The following KCNJ3 variants were observed in gnomAD, a reference collection of about 807,000 sequenced individuals.
KCNJ3 encodes G protein-activated inward rectifier potassium channel 1.
In KCNJ3, 4 loss-of-function variants were observed where a neutral mutation model predicts 39.2. The observed-to-expected ratio is 0.10, with a 90% CI of 0.05 to 0.23. KCNJ3 has a LOEUF of 0.23. KCNJ3 is among the 10% of genes least tolerant of loss of function. The pLI is 1.00. For synonymous variants in KCNJ3, 230 were observed against 237.4 expected (o/e 0.97, Z 0.29); for missense variants, 276 against 634.9 (o/e 0.43, Z 6.08).
At chr2:154,716,581 TA>T (rs1478955312) in intron 2 of KCNJ3, among the ~76,000 whole-genome samples, 1 of 152,180 alleles carries the variant, frequency 6.6e-6, no homozygotes, top group Admixed American at 6.5e-5. Flanking sequence ...AACACATTAT[TA>T]AAAAATGTTT....
In KCNJ3 at chr2:154,798,269, C is replaced by T. The variant is rs12613283; in HGVS notation, c.920-56458C>T. Among the ~76,000 whole-genome samples the T allele has an allele frequency of 1.6e-3, 238 of 151,448 alleles. 6 individuals carry two copies. The East Asian group carries it at 0.043, about 27-fold the overall frequency. ...ACAGCACTCCTGCCCACTACAACAC[C>T]GAATGAAAGACATATGGTTAAACTT... is the stretch of plus-strand genomic sequence containing the variant. On this transcript the variant is annotated intron_variant, in intron 2 of 2. Transcript: ENST00000295101.
chr2:154,724,167 T>A (rs1685310684), intron 2 of KCNJ3, among the ~76,000 whole-genome samples: 1 of 152,210 alleles, frequency 6.6e-6, no homozygotes, highest in Middle Eastern at 3.4e-3. Context: ...AAATGGTGAA[T>A]GTTATAGTTA....
chr2:154,845,889 G>C (rs1687655654), intron 2 of KCNJ3, among the ~76,000 whole-genome samples: 1 of 148,144 alleles, frequency 6.8e-6, no homozygotes, highest in Admixed American at 6.7e-5. Flanking sequence ...AGAATCACTT[G>C]AACCTGGGAG....
chr2:154,734,400 A>G (rs1279135281), intron 2 of KCNJ3, among the ~76,000 whole-genome samples: 2 of 152,194 alleles, frequency 1.3e-5, no homozygotes, highest in Non-Finnish European at 2.9e-5. Context: ...AGAATCTGAG[A>G]AAGAAGTCAT....
At chr2:154,727,119 T>G (rs544642575) in intron 2 of KCNJ3, among the ~76,000 whole-genome samples, 1 of 152,122 alleles carries the variant, frequency 6.6e-6, no homozygotes, top group South Asian at 2.1e-4. Flanking sequence ...ACTAAAAAAC[T>G]TAGCCATGTA....
chr2:154,835,008 AT>A (rs1005525584), intron 2 of KCNJ3, among the ~76,000 whole-genome samples: 67 of 145,824 alleles, frequency 4.6e-4, no homozygotes, highest in East Asian at 1.0e-3. Flanking sequence ...TTCTCTTCCT[AT>A]TTTTTTTTTT....
intron 2 of KCNJ3, among the ~76,000 whole-genome samples, chr2:154,730,491 T>G (rs556211930): frequency 6.6e-6 from 1 of 152,240 alleles, no homozygotes; most frequent in African/African-American, 2.4e-5. Context: ...ATGAAGATAT[T>G]TAGTATTTTT....
intron 2 of KCNJ3, among the ~76,000 whole-genome samples, chr2:154,843,744 G>C (rs886796923): frequency 1.3e-5 from 2 of 152,066 alleles, no homozygotes; most frequent in African/African-American, 4.8e-5. Flanking sequence ...ACTGAAGCTT[G>C]TGCATGTGTC....
intron 2 of KCNJ3, among the ~76,000 whole-genome samples, chr2:154,830,060 A>G (rs954244556): frequency 4.6e-5 from 7 of 152,218 alleles, no homozygotes; most frequent in Non-Finnish European, 1.0e-4. Context: ...AAACCTGTAC[A>G]GAAAGTTCAT....
intron 2 of KCNJ3, among the ~76,000 whole-genome samples, chr2:154,803,317 T>C (rs1574468378): frequency 6.6e-6 from 1 of 151,994 alleles, no homozygotes; most frequent in African/African-American, 2.4e-5. Flanking sequence ...ATCATGAAAT[T>C]AGAATTGAAT....
rs1558856912 is a variant in KCNJ3, at chr2:154,724,916, G to GATATATATATATATAT, written c.919+15097_919+15098insATATATATATATATAT. On this transcript the variant is annotated intron_variant, in intron 2 of 2. Transcript: ENST00000295101. Reference sequence around the variant, plus strand: ...ATGTATATATACAAGATACATATGAGGTATATATATATATATATATACCTT... The same window carrying GATATATATATATATAT: ...ATGTATATATACAAGATACATATGAGATATATATATATATATGTATATATATATATATATATACCTT... Among the ~76,000 whole-genome samples, 66 of 59,092 alleles carry GATATATATATATATAT rather than the reference G, an allele frequency of 1.1e-3. 1 individual carries two copies. The highest frequency in any genetic ancestry group is 5.6e-3 in the African/African-American group (56 of 9,996). 38.8% of individuals were successfully genotyped at this position (59,092 alleles called of 152,430 possible). A position where few individuals can be genotyped will look rare whatever the true frequency, so the allele number is the denominator to read the frequency against.
chr2:154,707,287 T>G (rs1485221739), intron 1 of KCNJ3, among the ~76,000 whole-genome samples: 3 of 151,942 alleles, frequency 2.0e-5, no homozygotes, highest in Non-Finnish European at 4.4e-5. Flanking sequence ...TAATTTTGAG[T>G]GTATAGAGCA....
At chr2:154,701,535 G>C (rs779928276) in intron 1 of KCNJ3, among the ~76,000 whole-genome samples, 1 of 151,962 alleles carries the variant, frequency 6.6e-6, no homozygotes, top group Non-Finnish European at 1.5e-5. Flanking sequence ...CTCTACACTG[G>C]TGCAGGGTAC....
At position 154,845,905 on chromosome 2, in the gene KCNJ3, G is replaced by A. The variant is rs537389221; in HGVS notation, c.920-8822G>A. 5.1e-4 allele frequency among the ~76,000 whole-genome samples: 77 copies of A among 152,128 alleles called. 1 individual carries two copies. Among genetic ancestry groups the A allele is most frequent in the Non-Finnish European group, 2.1e-4 (14 of 68,004 alleles). ...GAATCACTTGAACCTGGGAGGTGGAGGTTGCAGTGAGCCAAGATCGTACCA... is the reference window on the plus strand; with the variant it reads ...GAATCACTTGAACCTGGGAGGTGGAAGTTGCAGTGAGCCAAGATCGTACCA... On this transcript the variant is annotated intron_variant, in intron 2 of 2. Transcript: ENST00000295101.
intron 2 of KCNJ3, among the ~76,000 whole-genome samples, chr2:154,711,982 A>C (rs1028147375): frequency 1.3e-5 from 2 of 152,190 alleles, no homozygotes; most frequent in Admixed American, 6.5e-5. Context: ...ATTGCCTTTT[A>C]TGGAGAAGAG....
chr2:154,823,426 C>T (rs1267193961), intron 2 of KCNJ3, among the ~76,000 whole-genome samples: 9 of 146,948 alleles, frequency 6.1e-5, no homozygotes, highest in Admixed American at 4.1e-4. Flanking sequence ...TTTTTTACAT[C>T]GAGTCAATGA....
intron 2 of KCNJ3, among the ~76,000 whole-genome samples, chr2:154,740,875 G>A (rs1374943072): frequency 6.6e-6 from 1 of 151,924 alleles, no homozygotes; most frequent in African/African-American, 2.4e-5. Flanking sequence ...AATGCAAATT[G>A]CAAATAAGAG....
intron 2 of KCNJ3, among the ~76,000 whole-genome samples, chr2:154,850,989 C>T (rs1487313424): frequency 6.6e-6 from 1 of 152,054 alleles, no homozygotes; most frequent in Non-Finnish European, 1.5e-5. Context: ...ATGACTTATA[C>T]TTGTAATTCC....
chr2:154,839,482 T>C (rs2105127990), intron 2 of KCNJ3, among the ~76,000 whole-genome samples: 1 of 152,338 alleles, frequency 6.6e-6, no homozygotes, highest in Admixed American at 6.5e-5. Flanking sequence ...ATGGTAATTC[T>C]AGTTCTAGAT....
Sources: allele counts gnomAD v4.1 joint callset (sites outside exome capture counted in the v4.1 genomes callset), GRCh38; gene constraint gnomAD v4.1.1; transcripts MANE v1.5; gene names NCBI Gene and HGNC (gene_info 2026-07-23, HGNC 2026-07-21).